Variants in MAGI1 observed in about 807,000 individuals in gnomAD.
MAGI1 encodes the protein membrane associated guanylate kinase, WW and PDZ domain containing 1, also known as membrane-associated guanylate kinase, WW and PDZ domain-containing protein 1.
In MAGI1, 58 loss-of-function variants were observed where a neutral mutation model predicts 139.9. That is an observed-to-expected ratio of 0.41 (90% CI 0.34 to 0.52). The LOEUF is 0.52. Among genes scored for constraint, MAGI1 ranks in the 20% least tolerant of loss-of-function variants. The probability of loss-of-function intolerance (pLI) is 0.12; values close to 1 mark genes in which losing one functional copy is unlikely to be tolerated. For synonymous variants in MAGI1, 812 were observed against 737.9 expected (o/e 1.10, Z -1.63); for missense variants, 1,874 against 1,901.6 (o/e 0.99, Z 0.27).
chr3:65,722,252 C>A (rs926425883), intron 1 of MAGI1, among the ~76,000 whole-genome samples: 1 of 152,158 alleles, frequency 6.6e-6, no homozygotes, highest in Admixed American at 6.5e-5. Context: ...CACTATCCAC[C>A]TTACCTAGAT....
At chr3:65,761,366 T>C (rs748736082) in intron 1 of MAGI1, among the ~76,000 whole-genome samples, 1 of 152,102 alleles carries the variant, frequency 6.6e-6, no homozygotes, top group African/African-American at 2.4e-5. Context: ...TGGAGTCAAA[T>C]GAAGAATACT....
chr3:65,717,765 C>G (rs1216277859), intron 1 of MAGI1, among the ~76,000 whole-genome samples: 1 of 152,098 alleles, frequency 6.6e-6, no homozygotes, highest in African/African-American at 2.4e-5. Flanking sequence ...CTGATTGGTC[C>G]AGCTTAGACC....
chr3:65,599,952 C>T (rs2082403758), intron 2 of MAGI1, among the ~76,000 whole-genome samples: 1 of 152,192 alleles, frequency 6.6e-6, no homozygotes, highest in South Asian at 2.1e-4. Context: ...ATTTGCTTAC[C>T]TATTTTGTTT....
chr3:65,580,427 T>C (rs2081364460), intron 2 of MAGI1, among the ~76,000 whole-genome samples: 1 of 152,098 alleles, frequency 6.6e-6, no homozygotes, highest in African/African-American at 2.4e-5. Context: ...ACATCAGAAG[T>C]GAGCAAATCG....
chr3:65,944,514 T>C (rs2063465449), intron 1 of MAGI1, among the ~76,000 whole-genome samples: 1 of 151,648 alleles, frequency 6.6e-6, no homozygotes. Context: ...CAAGACCCTA[T>C]CTCAAGGGAA....
chr3:65,729,537 G>A (rs559957927), intron 1 of MAGI1, among the ~76,000 whole-genome samples: 2 of 152,258 alleles, frequency 1.3e-5, no homozygotes, highest in African/African-American at 4.8e-5. Context: ...TCCAGCCAAA[G>A]GTTTAGAAAC....
chr3:65,530,353 GGC>G (rs1559641606), intron 2 of MAGI1, among the ~76,000 whole-genome samples: 1 of 151,944 alleles, frequency 6.6e-6, no homozygotes, highest in Admixed American at 6.6e-5. Flanking sequence ...ATAGCACAGT[GGC>G]TAAAAATATA....
intron 1 of MAGI1, among the ~76,000 whole-genome samples, chr3:65,907,377 G>A (rs1271114569): frequency 6.6e-6 from 1 of 152,162 alleles, no homozygotes; most frequent in Non-Finnish European, 1.5e-5. Flanking sequence ...CCTACAGCTT[G>A]TCAGTGACAA....
intron 2 of MAGI1, among the ~76,000 whole-genome samples, chr3:65,593,025 A>G (rs1225245813): frequency 2.0e-5 from 3 of 152,300 alleles, no homozygotes; most frequent in African/African-American, 7.2e-5. Flanking sequence ...CTCAAATATT[A>G]TAAGTTATTC....
intron 2 of MAGI1, among the ~76,000 whole-genome samples, chr3:65,584,086 G>GAAAA (rs542674034): frequency 1.3e-4 from 12 of 95,864 alleles, no homozygotes; most frequent in South Asian, 4.3e-4. Flanking sequence ...ATCTACTCTT[G>GAAAA]AAAAAAAAAA....
intron 2 of MAGI1, among the ~76,000 whole-genome samples, chr3:65,589,752 T>C (rs2081874731): frequency 6.6e-6 from 1 of 151,986 alleles, no homozygotes; most frequent in Non-Finnish European, 1.5e-5. Flanking sequence ...TAAAACTTTA[T>C]TTACCACGAC....
At chr3:65,658,470 C>T (rs1267897128) in intron 1 of MAGI1, among the ~76,000 whole-genome samples, 5 of 152,212 alleles carry the variant, frequency 3.3e-5, no homozygotes, top group African/African-American at 1.2e-4. Flanking sequence ...ATTCCAGTTA[C>T]TGGTAACCAA....
intron 6 of MAGI1, 120 bp downstream of exon 6, chr3:65,453,138 T>A: frequency 2.5e-6 from 2 of 812,564 alleles, no homozygotes; most frequent in East Asian, 2.5e-5. Flanking sequence ...TTAGCAGAAA[T>A]TGGATTACCT....
chr3:65,649,021 T>A (rs1380237778), intron 1 of MAGI1, among the ~76,000 whole-genome samples: 3 of 152,160 alleles, frequency 2.0e-5, no homozygotes, highest in African/African-American at 7.2e-5. Flanking sequence ...GGACAAATGT[T>A]AACTTAAACC....
At chr3:65,895,214 GTCT>G (rs1177981684) in intron 1 of MAGI1, among the ~76,000 whole-genome samples, 3 of 152,162 alleles carry the variant, frequency 2.0e-5, no homozygotes, top group Admixed American at 1.3e-4. Context: ...TAACAAATGT[GTCT>G]TCTTCTAAGT....
intron 14 of MAGI1, among the ~76,000 whole-genome samples, chr3:65,384,991 A>G (rs1943338457): frequency 6.6e-6 from 1 of 152,164 alleles, no homozygotes; most frequent in South Asian, 2.1e-4. Context: ...CTTAAGATCA[A>G]TGGTGATGAC....
chr3:65,611,437 GTA>G (rs2083103788), intron 2 of MAGI1, among the ~76,000 whole-genome samples: 2 of 142,858 alleles, frequency 1.4e-5, no homozygotes, highest in Admixed American at 7.1e-5. Context: ...TGTATATACA[GTA>G]TATATAGTAT....
chr3:65,625,873 C>A (rs2107105268), intron 1 of MAGI1, among the ~76,000 whole-genome samples: 1 of 152,220 alleles, frequency 6.6e-6, no homozygotes, highest in Middle Eastern at 3.4e-3. Context: ...ATAGTGTGGA[C>A]CTATGTAAAC....
At chr3:65,671,652 C>T (rs559061549) in intron 1 of MAGI1, among the ~76,000 whole-genome samples, 2 of 152,278 alleles carry the variant, frequency 1.3e-5, no homozygotes, top group South Asian at 4.2e-4. Context: ...CATCATTTGT[C>T]ACCAATTAGT....
Sources: allele counts gnomAD v4.1 joint callset (sites outside exome capture counted in the v4.1 genomes callset), GRCh38; gene constraint gnomAD v4.1.1; transcripts MANE v1.5; gene names NCBI Gene and HGNC (gene_info 2026-07-23, HGNC 2026-07-21).